EDAR: variants seen among roughly 807,000 people sequenced by gnomAD.
The protein encoded by EDAR is ectodysplasin A receptor.
In EDAR, 38 loss-of-function variants were observed where a neutral mutation model predicts 51.3. The observed-to-expected ratio is 0.74, with a 90% CI of 0.57 to 0.97. EDAR has a LOEUF of 0.97. Among genes scored for constraint, EDAR ranks in the 50% least tolerant of loss-of-function variants. EDAR has a pLI of 0.00. For missense variants in EDAR, 528 were observed against 595.0 expected (o/e 0.89, Z 1.17); for synonymous variants, 227 against 242.1 (o/e 0.94, Z 0.58).
At chr2:108,967,626 G>A (rs1429857820) in intron 1 of EDAR, among the ~76,000 whole-genome samples, 1 of 152,210 alleles carries the variant, frequency 6.6e-6, no homozygotes, top group East Asian at 1.9e-4. Context: ...GCCTGACAGA[G>A]TGTGTCTTTG....
intron 11 of EDAR, among the ~76,000 whole-genome samples, chr2:108,897,547 A>C (rs958908539): frequency 6.6e-6 from 1 of 152,174 alleles, no homozygotes; most frequent in Non-Finnish European, 1.5e-5. Flanking sequence ...CTTCAAGACA[A>C]GTTATCCTTA....
Position 108,989,081 on chromosome 2 carries a change from G to A in EDAR, c.-140C>T, listed in dbSNP as rs1470481722. On this transcript the variant is annotated 5_prime_UTR_variant, in exon 1 of 12. Transcript: ENST00000258443. Reference sequence around the variant, plus strand: ...GGCCACCGTGGCAGCCCTCTCAGAAGCAGGTACTCTATGTCCTTAGGGGCC... The same window carrying A: ...GGCCACCGTGGCAGCCCTCTCAGAAACAGGTACTCTATGTCCTTAGGGGCC... The A allele has an allele frequency of 2.0e-5, 3 of 152,658 alleles. No individual in the cohort carries two copies. The highest frequency in any genetic ancestry group is 2.0e-4 in the Admixed American group (3 of 15,286). 9.5% of individuals were successfully genotyped at this position (152,658 alleles called of 1,614,324 possible). A position where few individuals can be genotyped will look rare whatever the true frequency, so the allele number is the denominator to read the frequency against.
At chr2:108,951,855 C>T (rs910567954) in intron 1 of EDAR, among the ~76,000 whole-genome samples, 3 of 152,110 alleles carry the variant, frequency 2.0e-5, no homozygotes, top group African/African-American at 4.8e-5. Context: ...CCAATTAATT[C>T]GGCAGACATT....
At chr2:108,957,018 G>A (rs192056234) in intron 1 of EDAR, among the ~76,000 whole-genome samples, 41 of 152,298 alleles carry the variant, frequency 2.7e-4, no homozygotes, top group African/African-American at 7.5e-4. Context: ...TCAAACTCCC[G>A]ACCTCAGGTG....
intron 1 of EDAR, among the ~76,000 whole-genome samples, chr2:108,936,006 C>T (rs1053357234): frequency 1.3e-5 from 2 of 152,226 alleles, no homozygotes; most frequent in African/African-American, 2.4e-5. Flanking sequence ...GTGCCCACTG[C>T]AGGAAGAAGG....
At chr2:108,981,386 G>C (rs1186661966) in intron 1 of EDAR, among the ~76,000 whole-genome samples, 1 of 152,218 alleles carries the variant, frequency 6.6e-6, no homozygotes, top group South Asian at 2.1e-4. Flanking sequence ...TCCTGAGGTT[G>C]AAGTTGTCTG....
intron 5 of EDAR, among the ~76,000 whole-genome samples, chr2:108,916,881 A>G (rs1468253310): frequency 6.6e-6 from 1 of 152,170 alleles, no homozygotes; most frequent in Non-Finnish European, 1.5e-5. Flanking sequence ...ACTTCTCACA[A>G]GACTGGTCAG....
intron 1 of EDAR, among the ~76,000 whole-genome samples, chr2:108,985,415 C>T (rs1211829373): frequency 2.6e-5 from 4 of 152,218 alleles, no homozygotes; most frequent in Admixed American, 1.3e-4. Flanking sequence ...GGCATGAGCT[C>T]GCAGGGTGGT....
chr2:108,923,651 C>T lies in EDAR; in HGVS notation c.357-198G>A, dbSNP rs558009004. Among the ~76,000 whole-genome samples, 13 of 152,372 alleles carry T rather than the reference C, an allele frequency of 8.5e-5. No homozygotes were observed. The Middle Eastern group carries it at 0.017, about 199-fold the overall frequency. ...GTCTTGAAATGGAGCATTCTTTTAA[C>T]AATATTGAGCTGCCAACGTGGGCCT... On this transcript the variant is annotated intron_variant, in intron 4 of 11. Transcript: ENST00000258443.
chr2:108,895,654 T>G lies in EDAR; in HGVS notation c.*1253A>C, dbSNP rs1466567035. 6.6e-6 allele frequency: 1 copy of G among 152,230 alleles called. No individual in the cohort carries two copies. Among genetic ancestry groups the G allele is most frequent in the Non-Finnish European group, 1.5e-5 (1 of 68,074 alleles). The allele number at this position is 152,230 out of a possible 1,614,324, so 9.4% of individuals were successfully genotyped here. A position where few individuals can be genotyped will look rare whatever the true frequency, so the allele number is the denominator to read the frequency against. ...TAGCTCCACTTTCTTTTTGCTCACC[T>G]GAACCCTACCTGCCCCAATTATAGA... On this transcript the variant is annotated 3_prime_UTR_variant, in exon 12 of 12. Transcript: ENST00000258443.
chr2:108,965,754 T>C (rs930922522), intron 1 of EDAR, among the ~76,000 whole-genome samples: 7 of 152,032 alleles, frequency 4.6e-5, no homozygotes, highest in Non-Finnish European at 7.4e-5. Context: ...TGCATTGATG[T>C]GGTGGTGGGG....
At chr2:108,912,799 A>G in intron 5 of EDAR, 35 bp from the exon 6 acceptor site, 2 of 1,532,970 alleles carry the variant, frequency 1.3e-6, no homozygotes, top group South Asian at 2.4e-5. Context: ...AATGATCCAG[A>G]GAAGCTCCAC....
intron 4 of EDAR, among the ~76,000 whole-genome samples, chr2:108,926,846 G>C (rs1370636570): frequency 1.3e-5 from 2 of 152,212 alleles, no homozygotes; most frequent in African/African-American, 4.8e-5. Flanking sequence ...ACAGCCACTT[G>C]GATTCAGGAA....
intron 1 of EDAR, among the ~76,000 whole-genome samples, chr2:108,972,524 C>T (rs1182948372): frequency 1.3e-5 from 2 of 152,186 alleles, no homozygotes; most frequent in African/African-American, 4.8e-5. Context: ...TGCAACGGGC[C>T]GAGGCAGCCT....
chr2:108,953,189 C>T (rs1207418095), intron 1 of EDAR, among the ~76,000 whole-genome samples: 1 of 152,192 alleles, frequency 6.6e-6, no homozygotes, highest in Admixed American at 6.5e-5. Context: ...GGTGGCTGAG[C>T]TTTCTGCATT....
intron 1 of EDAR, among the ~76,000 whole-genome samples, chr2:108,987,504 A>G (rs190211756): frequency 6.6e-6 from 1 of 152,368 alleles, no homozygotes; most frequent in East Asian, 1.9e-4. Context: ...ACAAATGTGT[A>G]TGCCCAACAA....
chr2:108,962,700 A>AAAAAAAAAAAGAG (rs1558835282), intron 1 of EDAR, among the ~76,000 whole-genome samples: 1 of 128,858 alleles, frequency 7.8e-6, no homozygotes. Flanking sequence ...AAAAAAAAAA[A>AAAAAAAAAAAGAG]AGAGAGAAAG....
intron 6 of EDAR, among the ~76,000 whole-genome samples, chr2:108,912,162 A>G (rs1696940362): frequency 6.6e-6 from 1 of 152,186 alleles, no homozygotes; most frequent in Non-Finnish European, 1.5e-5. Flanking sequence ...ATGGGCTGGC[A>G]CTAAACCAGT....
In EDAR at chr2:108,895,673, T is replaced by C. The variant is rs10171700; in HGVS notation, c.*1234A>G. On this transcript the variant is annotated 3_prime_UTR_variant, in exon 12 of 12. Transcript: ENST00000258443. ...CTCACCTGAACCCTACCTGCCCCAA[T>C]TATAGAATCACTAACTAACATCTCA... 1.4e-4 allele frequency: 22 copies of C among 152,348 alleles called. No individual in the cohort carries two copies. The highest frequency in any genetic ancestry group is 5.3e-4 in the African/African-American group (22 of 41,574). The allele number at this position is 152,348 out of a possible 1,614,324, so 9.4% of individuals were successfully genotyped here. A position where few individuals can be genotyped will look rare whatever the true frequency, so the allele number is the denominator to read the frequency against.
Sources: allele counts gnomAD v4.1 joint callset (sites outside exome capture counted in the v4.1 genomes callset), GRCh38; gene constraint gnomAD v4.1.1; transcripts MANE v1.5; gene names NCBI Gene and HGNC (gene_info 2026-07-23, HGNC 2026-07-21).